Variants in TUSC3 observed in about 807,000 individuals in gnomAD.
The protein encoded by TUSC3 is tumor suppressor candidate 3.
Under a neutral mutation model 44.8 loss-of-function variants are expected in TUSC3, and 45 were observed. The ratio of observed to expected loss-of-function variants is 1.00; its 90% confidence interval spans 0.79 to 1.29. The LOEUF is 1.29. TUSC3 is among the 50% of genes most tolerant of loss of function. The pLI is 0.00. For synonymous variants in TUSC3, 212 were observed against 152.9 expected, an observed-to-expected ratio of 1.39 and a Z score of -2.85; for missense variants, 519 against 437.9, an observed-to-expected ratio of 1.19 and a Z score of -1.65.
intron 1 of TUSC3, among the ~76,000 whole-genome samples, chr8:15,474,435 T>C (rs1439894900): frequency 3.9e-5 from 6 of 152,186 alleles, no homozygotes; most frequent in African/African-American, 1.4e-4. Flanking sequence ...TGAATGTCCA[T>C]GAAATCTTCA....
chr8:15,445,591 C>T (rs1800085963), intron 1 of TUSC3, among the ~76,000 whole-genome samples: 1 of 152,140 alleles, frequency 6.6e-6, no homozygotes, highest in Non-Finnish European at 1.5e-5. Context: ...CCATTTAACC[C>T]TGAGTGGACA....
rs887008553 is a variant in TUSC3, at chr8:15,765,789, T to G, written c.*1633T>G. ...TAATCATTTGATCACTGCCTATCAC[T>G]AGGCAGAACTTGACCTGTAATTCTT... On this transcript the variant is annotated 3_prime_UTR_variant, in exon 11 of 11. Transcript: ENST00000503731. 3 of 152,078 alleles carry G rather than the reference T, an allele frequency of 2.0e-5. No homozygotes were observed. Among genetic ancestry groups the G allele is most frequent in the African/African-American group, 7.2e-5 (3 of 41,428 alleles). 9.4% of individuals were successfully genotyped at this position (152,078 alleles called of 1,614,324 possible). A position where few individuals can be genotyped will look rare whatever the true frequency, so the allele number is the denominator to read the frequency against.
intron 6 of TUSC3, among the ~76,000 whole-genome samples, chr8:15,676,166 C>T (rs376856272): frequency 2.6e-5 from 4 of 152,092 alleles, no homozygotes; most frequent in African/African-American, 9.7e-5. Flanking sequence ...TTTTAATTTG[C>T]ATTTCTCTGA....
chr8:15,583,226 A>G (rs957284398), intron 1 of TUSC3, among the ~76,000 whole-genome samples: 2 of 152,212 alleles, frequency 1.3e-5, no homozygotes, highest in African/African-American at 2.4e-5. Flanking sequence ...TTTTAAAGCC[A>G]TGTAAGACAT....
At chr8:15,571,797 T>C (rs1053692656) in intron 1 of TUSC3, among the ~76,000 whole-genome samples, 5 of 152,194 alleles carry the variant, frequency 3.3e-5, no homozygotes, top group Admixed American at 2.6e-4. Context: ...TATGCAGCGT[T>C]CTTTCTCCAT....
chr8:15,600,640 G>A (rs62504255), intron 1 of TUSC3, among the ~76,000 whole-genome samples: 20,279 of 151,540 alleles, frequency 0.13, 1,764 homozygotes, highest in Non-Finnish European at 0.2. Flanking sequence ...GAACATTTGA[G>A]GAGGTAACTC....
intron 1 of TUSC3, among the ~76,000 whole-genome samples, chr8:15,442,679 C>T (rs1800036753): frequency 6.6e-6 from 1 of 152,096 alleles, no homozygotes; most frequent in Non-Finnish European, 1.5e-5. Context: ...GACATTCATT[C>T]CTTCTAGATT....
chr8:15,575,385 C>G (rs1803057893), intron 1 of TUSC3, among the ~76,000 whole-genome samples: 1 of 152,084 alleles, frequency 6.6e-6, no homozygotes, highest in African/African-American at 2.4e-5. Flanking sequence ...TATGTGGCAA[C>G]TAATTTAAAT....
At chr8:15,540,159 G>C (rs1801625693), upstream of TUSC3, 1 of 418,888 alleles carries the variant, frequency 2.4e-6, no homozygotes, top group Non-Finnish European at 4.2e-6. Flanking sequence ...CTCCGGGCGG[G>C]AGCGCACGCC....
rs1801891481 is a variant in TUSC3 at position 15,546,967 on chromosome 8, T to C, written c.138+6399T>C. Reference sequence around the variant, plus strand: ...TCAACAGTAAGTTTAGAGAGTGATTTGAAATCTGTTATAAAAGTCTAAGAT... The same window carrying C: ...TCAACAGTAAGTTTAGAGAGTGATTCGAAATCTGTTATAAAAGTCTAAGAT... On this transcript the variant is annotated intron_variant, in intron 1 of 10. Coordinates refer to ENST00000503731, the MANE Select transcript of TUSC3 (RefSeq NM_006765.4). Among the ~76,000 whole-genome samples, 2 of 151,680 alleles carry C rather than the reference T, an allele frequency of 1.3e-5. 1 individual carries two copies. The highest frequency in any genetic ancestry group is 4.2e-4 in the South Asian group (2 of 4,800).
chr8:15,813,165 T>C, the TUSC3 span, among the ~76,000 whole-genome samples: 5 of 152,078 alleles, frequency 3.3e-5, no homozygotes, highest in Admixed American at 3.3e-4. Context: ...TTTGTATCAT[T>C]GGGGATTTAC....
At chr8:15,652,548 C>T (rs796146886) in intron 3 of TUSC3, among the ~76,000 whole-genome samples, 1 of 152,094 alleles carries the variant, frequency 6.6e-6, no homozygotes, top group Non-Finnish European at 1.5e-5. Flanking sequence ...CCTCTATAAG[C>T]AGCTTACAGA....
At chr8:15,559,193 G>A (rs947037659) in intron 1 of TUSC3, among the ~76,000 whole-genome samples, 13 of 141,756 alleles carry the variant, frequency 9.2e-5, no homozygotes, top group African/African-American at 3.1e-4. Flanking sequence ...AGAGATTCTG[G>A]TATGTTGTGT....
chr8:15,776,220 C>T, the TUSC3 span, among the ~76,000 whole-genome samples: 3 of 152,126 alleles, frequency 2.0e-5, no homozygotes, highest in South Asian at 2.1e-4. Flanking sequence ...ATTAAAAATA[C>T]GTGGGGCCTC....
chr8:15,844,721 G>T, the TUSC3 span, among the ~76,000 whole-genome samples: 2 of 152,236 alleles, frequency 1.3e-5, no homozygotes, highest in East Asian at 1.9e-4. Context: ...ATTGAGATTA[G>T]CATGCCTACC....
the TUSC3 span, among the ~76,000 whole-genome samples, chr8:15,819,218 T>G: frequency 6.6e-6 from 1 of 152,228 alleles, no homozygotes; most frequent in South Asian, 2.1e-4. Flanking sequence ...GGTAGTAGAC[T>G]GCACATCAAC....
chr8:15,590,168 AATGTAC>A (rs1803766480), intron 1 of TUSC3, among the ~76,000 whole-genome samples: 1 of 152,194 alleles, frequency 6.6e-6, no homozygotes. Context: ...AGATAATTCC[AATGTAC>A]AGCCTGCTAA....
intron 1 of TUSC3, among the ~76,000 whole-genome samples, chr8:15,431,127 A>C (rs1027716893): frequency 1.3e-5 from 2 of 151,734 alleles, no homozygotes; most frequent in African/African-American, 4.9e-5. Context: ...TGATGGCTCC[A>C]GATTTGTTTA....
At chr8:15,536,341 A>G (rs1346724033), upstream of TUSC3, among the ~76,000 whole-genome samples, 1 of 152,166 alleles carries the variant, frequency 6.6e-6, no homozygotes, top group East Asian at 1.9e-4. Flanking sequence ...AATACTTTAC[A>G]CTGATTTATG....
Sources: allele counts gnomAD v4.1 joint callset (sites outside exome capture counted in the v4.1 genomes callset), GRCh38; gene constraint gnomAD v4.1.1; transcripts MANE v1.5; gene names NCBI Gene and HGNC (gene_info 2026-07-23, HGNC 2026-07-21).